The following CCNYL1 variants were observed in gnomAD, a reference collection of about 807,000 sequenced individuals.
CCNYL1 encodes the protein cyclin-Y-like protein 1.
Under a neutral mutation model 44.2 loss-of-function variants are expected in CCNYL1, and 16 were observed. The observed-to-expected ratio is 0.36, with a 90% CI of 0.25 to 0.55. CCNYL1 has a LOEUF of 0.55. Among genes scored for constraint, CCNYL1 ranks in the 20% least tolerant of loss-of-function variants. The pLI is 0.85. For synonymous variants in CCNYL1, 159 were observed against 163.2 expected, an observed-to-expected ratio of 0.97 and a Z score of 0.20; for missense variants, 348 against 451.8, an observed-to-expected ratio of 0.77 and a Z score of 2.08.
In CCNYL1 at chr2:207,729,814, C is replaced by A. The variant is rs552222473; in HGVS notation, c.330+2938C>A. ...AGATGCAACCTCTTCCTCCCGAGTT[C>A]AAGTGATTCTTGTGCCTCGGTCTCT... On this transcript the variant is annotated intron_variant, in intron 3 of 9. Coordinates refer to ENST00000295414, the MANE Select transcript of CCNYL1 (RefSeq NM_001330218.2). Among the ~76,000 whole-genome samples, 175 of 152,174 alleles carry A rather than the reference C, an allele frequency of 1.1e-3. 1 individual carries two copies. Among genetic ancestry groups the A allele is most frequent in the African/African-American group, 3.9e-3 (162 of 41,510 alleles).
intron 1 of CCNYL1, among the ~76,000 whole-genome samples, chr2:207,719,222 G>A (rs1352178761): frequency 6.6e-6 from 1 of 151,558 alleles, no homozygotes; most frequent in East Asian, 1.9e-4. Flanking sequence ...TCCAATAAAT[G>A]CTAACTGTTC....
chr2:207,720,187 C>CAAAAAAA (rs747214958), intron 1 of CCNYL1, among the ~76,000 whole-genome samples: 3 of 57,888 alleles, frequency 5.2e-5, no homozygotes, highest in Admixed American at 4.7e-4. Context: ...GACTCCGTCT[C>CAAAAAAA]AAAAAAAAAA....
chr2:207,749,740 A>G (rs2091878484), intron 8 of CCNYL1, among the ~76,000 whole-genome samples: 1 of 152,218 alleles, frequency 6.6e-6, no homozygotes, highest in African/African-American at 2.4e-5. Flanking sequence ...TTATGGACAT[A>G]TGAACAGGAA....
Position 207,712,112 on chromosome 2 carries a change from C to A in CCNYL1, c.216C>A (p.Pro72=). 6.3e-7 allele frequency: 1 copy of A among 1,598,484 alleles called. No individual in the cohort carries two copies. Among genetic ancestry groups the A allele is most frequent in the Non-Finnish European group, 8.5e-7 (1 of 1,173,508 alleles). Residue 72 remains proline (P), a synonymous_variant, in exon 1 of 10, where the codon CCC becomes CCA. Coordinates refer to ENST00000295414, the MANE Select transcript of CCNYL1 (RefSeq NM_001330218.2). ...AGCACATCAGCGACCGCGAGATGCC[C>A]GAAGGTAAGGAGGCGGCGGATGCCA... is the stretch of plus-strand genomic sequence containing the variant. ...HLQHISDREM[P]EDLALESNPS...
chr2:207,722,168 G>A (rs1350313720), intron 1 of CCNYL1, among the ~76,000 whole-genome samples: 6 of 151,560 alleles, frequency 4.0e-5, no homozygotes. Context: ...TGCCTCCTGG[G>A]TTCAAGCGAT....
At chr2:207,719,302 C>CTT (rs11412847) in intron 1 of CCNYL1, among the ~76,000 whole-genome samples, 4,147 of 132,940 alleles carry the variant, frequency 0.031, 226 homozygotes, top group African/African-American at 0.095. Context: ...ATAGCAATTG[C>CTT]TTTTTTTTTT....
At chr2:207,751,965 G>A (rs963263851) in intron 9 of CCNYL1, among the ~76,000 whole-genome samples, 2 of 151,980 alleles carry the variant, frequency 1.3e-5, no homozygotes, top group African/African-American at 4.8e-5. Context: ...AACCTGGGAG[G>A]CGGAGGTTGC....
At position 207,729,146 on chromosome 2, in the gene CCNYL1, T is replaced by C. The variant is rs546483065; in HGVS notation, c.330+2270T>C. ...CAATAAGTCTGTAGACTATGTCTTC[T>C]AGAGAATTTTGTTTTCTTTGTTCCT... On this transcript the variant is annotated intron_variant, in intron 3 of 9. Coordinates refer to ENST00000295414, the MANE Select transcript of CCNYL1 (RefSeq NM_001330218.2). Among the ~76,000 whole-genome samples the C allele has an allele frequency of 1.1e-3, 164 of 152,118 alleles. 1 individual carries two copies. The highest frequency in any genetic ancestry group is 3.8e-3 in the African/African-American group (156 of 41,502).
intron 3 of CCNYL1, among the ~76,000 whole-genome samples, chr2:207,732,132 G>A (rs1480542297): frequency 6.6e-6 from 1 of 152,046 alleles, no homozygotes; most frequent in Non-Finnish European, 1.5e-5. Context: ...TTGAATGAAT[G>A]TATTTGAATG....
rs114822428 is a variant in CCNYL1, at chr2:207,718,831, A to T, written c.221-5969A>T. 1.8e-3 allele frequency among the ~76,000 whole-genome samples: 276 copies of T among 152,370 alleles called. 1 individual carries two copies. Among genetic ancestry groups the T allele is most frequent in the African/African-American group, 6.4e-3 (265 of 41,598 alleles). On this transcript the variant is annotated intron_variant, in intron 1 of 9. Coordinates refer to ENST00000295414, the MANE Select transcript of CCNYL1 (RefSeq NM_001330218.2). ...TCCTACTTCAAGGAATTTATCCTGA[A>T]GGCATACCCCATAAATATGAAATAA...
At chr2:207,735,888 C>A (rs933595507) in intron 4 of CCNYL1, among the ~76,000 whole-genome samples, 1 of 151,726 alleles carries the variant, frequency 6.6e-6, no homozygotes, top group Admixed American at 6.6e-5. Context: ...ACAAAACACA[C>A]AAAAAGACAA....
intron 2 of CCNYL1, 147 bp downstream of exon 2, chr2:207,725,021 A>T (rs1466507494): frequency 1.6e-6 from 1 of 622,586 alleles, no homozygotes; most frequent in Non-Finnish European, 2.8e-6. Flanking sequence ...TATGTGATAT[A>T]CTTTCCTTTA....
At chr2:207,732,636 TA>T (rs893564398) in intron 3 of CCNYL1, among the ~76,000 whole-genome samples, 58 of 151,362 alleles carry the variant, frequency 3.8e-4, no homozygotes, top group African/African-American at 6.0e-4. Context: ...TCTGTGGTTT[TA>T]AAAAAAAATG....
chr2:207,729,360 C>G lies in CCNYL1; in HGVS notation c.330+2484C>G, dbSNP rs1043207694. Among the ~76,000 whole-genome samples the G allele has an allele frequency of 4.7e-5, 7 of 147,438 alleles. No homozygotes were observed. The East Asian group carries it at 1.4e-3, about 30-fold the overall frequency. The stretch of plus-strand genomic sequence containing the variant: ...TCTTTTACTTTATGCTCTAACCATT[C>G]TATTGAATCTTTCATCTTTTTGAAG... On this transcript the variant is annotated intron_variant, in intron 3 of 9. Transcript: ENST00000295414.
Position 207,753,622 on chromosome 2 carries a change from G to A in CCNYL1, c.1004G>A (p.Cys335Tyr). Residue 335 changes from cysteine (C) to tyrosine (Y), a missense_variant, in exon 10 of 10, where the codon TGT becomes TAT. Coordinates refer to ENST00000295414, the MANE Select transcript of CCNYL1 (RefSeq NM_001330218.2). ...AGATTGTGTGAAGACAAAGACTTGT[G>A]TAGAGCCGCTATGAGAAGGTCTTTC... ...ISRLCEDKDL[C>Y]RAAMRRSFSA... 6.2e-7 allele frequency: 1 copy of A among 1,613,576 alleles called. No homozygotes were observed. Among genetic ancestry groups the A allele is most frequent in the Non-Finnish European group, 8.5e-7 (1 of 1,179,526 alleles).
chr2:207,715,848 TTG>T (rs1320889831), intron 1 of CCNYL1, among the ~76,000 whole-genome samples: 1 of 149,894 alleles, frequency 6.7e-6, no homozygotes, highest in African/African-American at 2.5e-5. Flanking sequence ...AGCTAATTTT[TTG>T]TGTTTTTAGT....
Position 207,712,111 on chromosome 2 carries a change from C to A in CCNYL1, c.215C>A (p.Pro72His). The change falls in exon 1 of 10, where the codon CCC (proline) becomes CAC (histidine). Residue 72 changes from proline to histidine, a missense_variant. By Grantham distance (77) the Pro-to-His change is moderately conservative. Transcript: ENST00000295414. Reference sequence around the variant, plus strand: ...CAGCACATCAGCGACCGCGAGATGCCCGAAGGTAAGGAGGCGGCGGATGCC... The same window carrying A: ...CAGCACATCAGCGACCGCGAGATGCACGAAGGTAAGGAGGCGGCGGATGCC... ...HLQHISDREM[P>H]EDLALESNPS... The A allele has an allele frequency of 6.3e-7, 1 of 1,598,550 alleles. No homozygotes were observed. The highest frequency in any genetic ancestry group is 8.5e-7 in the Non-Finnish European group (1 of 1,173,574).
chr2:207,741,122 G>A (rs922518133), intron 6 of CCNYL1, among the ~76,000 whole-genome samples: 2 of 152,100 alleles, frequency 1.3e-5, no homozygotes, highest in Non-Finnish European at 2.9e-5. Flanking sequence ...GGGCACGGTG[G>A]CAGGCGCCTG....
rs1276838207 is a variant in CCNYL1, at chr2:207,720,203, A to AG, written c.221-4597_221-4596insG. ...ACTCCGTCTCAAAAAAAAAAAAAAA[A>AG]AAAAAAGGCTTGGTAGATCAAGAAT... On this transcript the variant is annotated intron_variant, in intron 1 of 9. Coordinates refer to ENST00000295414, the MANE Select transcript of CCNYL1 (RefSeq NM_001330218.2). Among the ~76,000 whole-genome samples, 131 of 151,544 alleles carry AG rather than the reference A, an allele frequency of 8.6e-4. 3 individuals carry two copies. In the East Asian group the frequency reaches 0.022, roughly 25 times the overall value.
Sources: gnomAD v4.1 joint callset for allele counts (sites outside exome capture counted in the v4.1 genomes callset) on GRCh38, gnomAD v4.1.1 for gene constraint, MANE v1.5 for transcripts, NCBI Gene and HGNC (gene_info 2026-07-23, HGNC 2026-07-21) for gene names.